ARHGEF18: variants seen among roughly 807,000 people sequenced by gnomAD.
ARHGEF18 encodes rho guanine nucleotide exchange factor 18.
Under a neutral mutation model 155.7 loss-of-function variants are expected in ARHGEF18, and 93 were observed. The ratio of observed to expected loss-of-function variants is 0.60; its 90% CI spans 0.50 to 0.71. The LOEUF (loss-of-function observed/expected upper bound fraction) is 0.71. Ranked by LOEUF, ARHGEF18 falls within the 30% of genes least tolerant of loss-of-function variation. The pLI, the probability that ARHGEF18 is intolerant of heterozygous loss-of-function variation, is 0.00. For missense variants in ARHGEF18, 1,593 were observed against 1,816.1 expected (o/e 0.88, Z 2.23); for synonymous variants, 742 against 753.1 (o/e 0.99, Z 0.24).
chr19:7,447,947 A>C (rs1975099495), intron 15 of ARHGEF18, among the ~76,000 whole-genome samples: 1 of 152,164 alleles, frequency 6.6e-6, no homozygotes. Context: ...TGGGCAACAT[A>C]GCAAGATCCC....
At position 7,373,059 on chromosome 19, in the gene ARHGEF18, A is replaced by T; in HGVS notation, c.263A>T (p.Glu88Val). 4.1e-6 allele frequency: 5 copies of T among 1,234,520 alleles called. No individual in the cohort carries two copies. The highest frequency in any genetic ancestry group is 5.1e-6 in the Non-Finnish European group (5 of 988,288). The allele number at this position is 1,234,520 out of a possible 1,614,324, so 76.5% of individuals were successfully genotyped here. A position where few individuals can be genotyped will look rare whatever the true frequency, so the allele number is the denominator to read the frequency against. ...TGGGAAAGGTCGCGGAGCTGCTCAG[A>T]GAGCTGGCGGAGGTCAGTTCCCCAC... The part of the protein sequence containing the change: ...RSWERSRSCS[E>V]SWRRLSLDAS... The change falls in exon 3 of 29, where the codon GAG becomes GTG. Residue 88 changes from glutamate to valine, a missense_variant. Physicochemically the swap from Glu to Val is moderately radical, Grantham distance 121. Coordinates refer to ENST00000668164, the MANE Select transcript of ARHGEF18 (RefSeq NM_001367823.1).
chr19:7,378,224 C>T (rs2145426174), intron 5 of ARHGEF18, among the ~76,000 whole-genome samples, 170 bp from the exon 6 acceptor site: 1 of 152,272 alleles, frequency 6.6e-6, no homozygotes, highest in South Asian at 2.1e-4. Context: ...CTGCGTTTGT[C>T]CCTGGCTCTC....
chr19:7,445,625 T>C (rs1974940438), intron 14 of ARHGEF18, among the ~76,000 whole-genome samples: 1 of 152,094 alleles, frequency 6.6e-6, no homozygotes, highest in Admixed American at 6.6e-5. Flanking sequence ...TTGCTTTTTA[T>C]GTTTCTTTTT....
At chr19:7,388,372 G>A (rs978138485) in intron 10 of ARHGEF18, among the ~76,000 whole-genome samples, 1 of 151,772 alleles carries the variant, frequency 6.6e-6, no homozygotes, top group Non-Finnish European at 1.5e-5. Context: ...GGGATTACTG[G>A]TATGAACTAC....
At chr19:7,436,340 G>A (rs761881199) in intron 10 of ARHGEF18, among the ~76,000 whole-genome samples, 4 of 151,806 alleles carry the variant, frequency 2.6e-5, no homozygotes, top group Non-Finnish European at 5.9e-5. Flanking sequence ...GCAGTGGCAT[G>A]ATCTCGGCTT....
Position 7,373,006 on chromosome 19 carries a change from G to T in ARHGEF18, c.210G>T (p.Gly70=), listed in dbSNP as rs1970271694. Residue 70 remains glycine, a synonymous_variant, in exon 3 of 29, where the codon GGG becomes GGT. Coordinates refer to ENST00000668164, the MANE Select transcript of ARHGEF18 (RefSeq NM_001367823.1). ...GRDSLFSSLA[G]SQDLSRRRSW... ...ATTCTCTTTTCTCCAGCTTGGCAGG[G>T]TCCCAAGACCTGTCAAGGCGGCGCA... The T allele has an allele frequency of 8.1e-7, 1 of 1,234,470 alleles. No homozygotes were observed. The highest frequency in any genetic ancestry group is 3.2e-5 in the East Asian group (1 of 31,706). 76.5% of individuals were successfully genotyped at this position (1,234,470 alleles called of 1,614,324 possible). A position where few individuals can be genotyped will look rare whatever the true frequency, so the allele number is the denominator to read the frequency against.
intron 10 of ARHGEF18, among the ~76,000 whole-genome samples, chr19:7,437,882 A>G (rs995919730): frequency 1.3e-5 from 2 of 151,942 alleles, no homozygotes; most frequent in African/African-American, 4.8e-5. Flanking sequence ...ACCTCAGGTG[A>G]TCCACCCGCG....
At chr19:7,351,168 G>A (rs1969147485) in intron 1 of ARHGEF18, among the ~76,000 whole-genome samples, 1 of 152,154 alleles carries the variant, frequency 6.6e-6, no homozygotes, top group Admixed American at 6.6e-5. Flanking sequence ...AGAAAACATT[G>A]TCAGCCTCAC....
chr19:7,416,379 A>G (rs1241330679), intron 10 of ARHGEF18, among the ~76,000 whole-genome samples: 1 of 152,092 alleles, frequency 6.6e-6, no homozygotes, highest in Non-Finnish European at 1.5e-5. Context: ...ACGCCACTGC[A>G]GTCCAGCCTG....
intron 10 of ARHGEF18, among the ~76,000 whole-genome samples, chr19:7,435,621 C>T (rs1974213514): frequency 1.3e-5 from 2 of 152,122 alleles, no homozygotes; most frequent in South Asian, 4.2e-4. Flanking sequence ...GGGTGCAGAC[C>T]CTTTACTGTC....
At chr19:7,460,122 C>A in intron 20 of ARHGEF18, 128 bp downstream of exon 20, 4 of 868,514 alleles carry the variant, frequency 4.6e-6, no homozygotes, top group Non-Finnish European at 5.4e-6. Flanking sequence ...GTGCCATGTC[C>A]TGCAGCTCTG....
At chr19:7,441,522 C>A in intron 11 of ARHGEF18, 131 bp from the exon 12 acceptor site, 1 of 698,994 alleles carries the variant, frequency 1.4e-6, no homozygotes, top group Non-Finnish European at 2.5e-6. Context: ...AAAGTTGAGG[C>A]TTCTGTGAAA....
At chr19:7,370,186 G>C (rs1315435168) in intron 2 of ARHGEF18, among the ~76,000 whole-genome samples, 1 of 151,994 alleles carries the variant, frequency 6.6e-6, no homozygotes. Flanking sequence ...GACAGAGCAA[G>C]ACTCTGTCTC....
At chr19:7,447,523 C>CA (rs35981316) in intron 15 of ARHGEF18, among the ~76,000 whole-genome samples, 2,023 of 146,604 alleles carry the variant, frequency 0.014, 58 homozygotes, top group African/African-American at 0.045. Flanking sequence ...TAACAAAAAG[C>CA]AAAAAAAAAA....
At chr19:7,417,786 GC>G (rs1568315563) in intron 10 of ARHGEF18, among the ~76,000 whole-genome samples, 1 of 152,194 alleles carries the variant, frequency 6.6e-6, no homozygotes, top group African/African-American at 2.4e-5. Context: ...TTTGGAGGAG[GC>G]CGGGGTGGGT....
At chr19:7,434,983 C>T (rs192649429) in intron 10 of ARHGEF18, among the ~76,000 whole-genome samples, 1 of 152,318 alleles carries the variant, frequency 6.6e-6, no homozygotes, top group East Asian at 1.9e-4. Context: ...GGGCGGATCA[C>T]CTGCGGTCAA....
chr19:7,362,383 G>C (rs1969669199), intron 1 of ARHGEF18, among the ~76,000 whole-genome samples: 2 of 152,056 alleles, frequency 1.3e-5, no homozygotes, highest in South Asian at 4.2e-4. Flanking sequence ...TTGGGTACTT[G>C]CATTTGGTCT....
At chr19:7,432,556 G>A (rs1355242576) in intron 10 of ARHGEF18, among the ~76,000 whole-genome samples, 1 of 152,154 alleles carries the variant, frequency 6.6e-6, no homozygotes, top group Non-Finnish European at 1.5e-5. Flanking sequence ...GCTCACTGCA[G>A]TCTCGACCTG....
intron 2 of ARHGEF18, among the ~76,000 whole-genome samples, chr19:7,372,298 G>A (rs989047890): frequency 5.9e-5 from 9 of 152,124 alleles, no homozygotes; most frequent in Non-Finnish European, 1.3e-4. Flanking sequence ...TTGCATAGGA[G>A]TTCACCAGAC....
Sources: gnomAD v4.1 joint callset for allele counts (sites outside exome capture counted in the v4.1 genomes callset) on GRCh38, gnomAD v4.1.1 for gene constraint, MANE v1.5 for transcripts, NCBI Gene and HGNC (gene_info 2026-07-23, HGNC 2026-07-21) for gene names.